ADGRV1: variants seen among roughly 807,000 people sequenced by gnomAD.
ADGRV1 encodes the protein adhesion G protein-coupled receptor V1, also known as G-protein coupled receptor 98.
A neutral mutation model predicts 596.2 loss-of-function variants in ADGRV1; 359 were observed. That is an observed-to-expected ratio of 0.60 (90% CI 0.55 to 0.66). ADGRV1 has a LOEUF of 0.66. ADGRV1 is among the 30% of genes least tolerant of loss of function. ADGRV1 has a pLI of 0.00. For missense variants in ADGRV1, 7,274 were observed against 7,575.6 expected, an observed-to-expected ratio of 0.96 and a Z score of 1.48; for synonymous variants, 2,681 against 2,679.2, an observed-to-expected ratio of 1.00 and a Z score of -0.02.
At position 90,647,653 on chromosome 5, in the gene ADGRV1, A is replaced by G. The variant is rs775734627; in HGVS notation, c.3178A>G (p.Thr1060Ala). Residue 1060 changes from threonine to alanine, a missense_variant, in exon 17 of 90, where the codon ACG becomes GCG. By Grantham distance (58) the Thr-to-Ala change is moderately conservative. This residue lies in a region of ADGRV1 where 1,715 missense variants were observed against 1,708.8 expected (regional missense o/e 1.00). Coordinates refer to ENST00000405460, the MANE Select transcript of ADGRV1 (RefSeq NM_032119.4). ...RDFIPVEKGETLIFEVGSRQQ... is the reference protein window; with the variant it reads ...RDFIPVEKGEALIFEVGSRQQ... ...TTTCATTCCTGTTGAAAAAGGAGAA[A>G]CGCTCATTTTTGAGGTTGGAAGTAG... The G allele has an allele frequency of 6.2e-7, 1 of 1,613,890 alleles. No homozygotes were observed.
chr5:90,791,008 G>A lies in ADGRV1; in HGVS notation c.14179G>A (p.Glu4727Lys), dbSNP rs1760007995. 11 of 1,613,940 alleles carry A rather than the reference G, an allele frequency of 6.8e-6. No individual in the cohort carries two copies. In the South Asian group the frequency reaches 1.2e-4, roughly 18 times the overall value. The change falls in exon 70 of 90, where the codon GAG (glutamate) becomes AAG (lysine). Residue 4727 changes from glutamate (E) to lysine (K), a missense_variant. Glu to Lys is a moderately conservative substitution (Grantham distance 56, BLOSUM62 1). Transcript: ENST00000405460. ...GCTACCAGATGAGGTACCTGAGATAGAGGAAGATTATGTGATCCAGCTTGT... is the reference window on the plus strand; with the variant it reads ...GCTACCAGATGAGGTACCTGAGATAAAGGAAGATTATGTGATCCAGCTTGT... Reference protein sequence around the residue: ...HLLPDEVPEIEEDYVIQLVSV... With the variant: ...HLLPDEVPEIKEDYVIQLVSV...
chr5:90,748,812 A>AG (rs1302993440), intron 52 of ADGRV1, among the ~76,000 whole-genome samples: 1 of 75,582 alleles, frequency 1.3e-5, no homozygotes, highest in Non-Finnish European at 2.4e-5. Context: ...TCTATCATCA[A>AG]GTTTTTTTTT....
At chr5:91,054,401 A>T (rs957811405) in intron 85 of ADGRV1, among the ~76,000 whole-genome samples, 2 of 152,180 alleles carry the variant, frequency 1.3e-5, no homozygotes, top group African/African-American at 2.4e-5. Context: ...TGAAGAGGAA[A>T]GTATGGGGCA....
At chr5:91,122,449 C>T (rs1793407261) in intron 87 of ADGRV1, among the ~76,000 whole-genome samples, 2 of 152,286 alleles carry the variant, frequency 1.3e-5, no homozygotes, top group African/African-American at 4.8e-5. Flanking sequence ...TAAAGAAAAG[C>T]AGAAAGTCCT....
chr5:90,785,144 A>T (rs1297121627), intron 67 of ADGRV1, among the ~76,000 whole-genome samples: 1 of 152,218 alleles, frequency 6.6e-6, no homozygotes, highest in Non-Finnish European at 1.5e-5. Context: ...GACAAAAACA[A>T]GCAATGGGGA....
chr5:91,100,986 T>C (rs1478319221), intron 86 of ADGRV1, among the ~76,000 whole-genome samples: 1 of 152,130 alleles, frequency 6.6e-6, no homozygotes, highest in Non-Finnish European at 1.5e-5. Flanking sequence ...ATTAAGAATC[T>C]ACGAAGACGT....
chr5:90,783,180 G>A lies in ADGRV1; in HGVS notation c.13288G>A (p.Gly4430Ser). 6.2e-7 allele frequency: 1 copy of A among 1,613,618 alleles called. No individual in the cohort carries two copies. The highest frequency in any genetic ancestry group is 1.1e-5 in the South Asian group (1 of 91,068). Residue 4430 changes from glycine (G) to serine (S), a missense_variant, in exon 66 of 90, where the codon GGC (glycine) becomes AGC (serine). By Grantham distance (56) the Gly-to-Ser change is moderately conservative. Around this residue, in one of 5 missense-constraint regions of ADGRV1, gnomAD observed 3,643 missense variants for 3,809.2 expected, o/e 0.96. Transcript: ENST00000405460. ...AGTGGTGAGGCTACATGGAACTTAT[G>A]GCTATGTGACAGCTGATTTCATCTC... ...IPVVRLHGTYGYVTADFISQS... is the reference protein window; with the variant it reads ...IPVVRLHGTYSYVTADFISQS...
At chr5:91,115,470 C>T (rs1792771130) in intron 87 of ADGRV1, among the ~76,000 whole-genome samples, 1 of 152,158 alleles carries the variant, frequency 6.6e-6, no homozygotes, top group South Asian at 2.1e-4. Context: ...GTGCATGCAA[C>T]ATCTTATGGT....
chr5:90,908,133 G>A (rs950529814), intron 83 of ADGRV1, among the ~76,000 whole-genome samples: 1 of 152,120 alleles, frequency 6.6e-6, no homozygotes, highest in Non-Finnish European at 1.5e-5. Context: ...TTAAAGGCGT[G>A]AGCCACCGTT....
intron 87 of ADGRV1, among the ~76,000 whole-genome samples, chr5:91,147,061 G>A (rs73191006): frequency 0.018 from 2,731 of 151,696 alleles, 59 homozygotes; most frequent in African/African-American, 0.053. Flanking sequence ...CAGCTACTGA[G>A]CAGGCTAAGG....
Position 91,116,122 on chromosome 5 carries a change from T to C in ADGRV1, c.18432+13782T>C, listed in dbSNP as rs1792831658. Among the ~76,000 whole-genome samples, 3 of 152,336 alleles carry C rather than the reference T, an allele frequency of 2.0e-5. 1 individual carries two copies. The South Asian group carries it at 6.2e-4, about 32-fold the overall frequency. On this transcript the variant is annotated intron_variant, in intron 87 of 89. Transcript: ENST00000405460. ...AATATAAAGAGCATGAATTCAAATA[T>C]AAACTGAACTTTCTTCTTAAACTCT...
intron 1 of ADGRV1, among the ~76,000 whole-genome samples, chr5:90,596,618 T>C (rs1302884933): frequency 6.6e-6 from 1 of 151,956 alleles, no homozygotes; most frequent in Non-Finnish European, 1.5e-5. Context: ...CGAAACCCCG[T>C]CTCCACCAAA....
At chr5:90,909,093 T>C (rs1246573633) in intron 83 of ADGRV1, among the ~76,000 whole-genome samples, 3 of 152,284 alleles carry the variant, frequency 2.0e-5, no homozygotes, top group Middle Eastern at 6.8e-3. Flanking sequence ...CTCTGGACAG[T>C]GTTCTTTGCC....
intron 52 of ADGRV1, among the ~76,000 whole-genome samples, chr5:90,747,053 A>T (rs1754703506): frequency 6.6e-6 from 1 of 152,140 alleles, no homozygotes; most frequent in African/African-American, 2.4e-5. Context: ...GCAGATGGAG[A>T]ATGCAAGGGA....
intron 84 of ADGRV1, among the ~76,000 whole-genome samples, chr5:90,968,342 G>A (rs1778657270): frequency 6.6e-6 from 1 of 152,154 alleles, no homozygotes; most frequent in African/African-American, 2.4e-5. Flanking sequence ...TGTTTTAGAT[G>A]GATTTTCTGC....
intron 78 of ADGRV1, 32 bp from the exon 79 acceptor site, chr5:90,848,605 G>A (rs1766152310): frequency 4.8e-6 from 6 of 1,244,616 alleles, no homozygotes; most frequent in Non-Finnish European, 5.3e-6. Context: ...TATTTTTATA[G>A]ATATATTTTT....
At chr5:90,771,788 G>A (rs1757718143) in intron 59 of ADGRV1, among the ~76,000 whole-genome samples, 3 of 152,148 alleles carry the variant, frequency 2.0e-5, no homozygotes. Context: ...GAAAGAAAGG[G>A]ATTCCAGGTT....
chr5:90,805,279 C>A lies in ADGRV1; in HGVS notation c.14662-5C>A. ...TAAAATACTCTAAGCATGATTTTCCCTCAGGTCGGATTTGAATCCACTGCT... is the reference window on the plus strand; with the variant it reads ...TAAAATACTCTAAGCATGATTTTCCATCAGGTCGGATTTGAATCCACTGCT... On this transcript the variant is annotated splice_polypyrimidine_tract_variant and splice_region_variant and intron_variant, in intron 71 of 89. Coordinates refer to ENST00000405460, the MANE Select transcript of ADGRV1 (RefSeq NM_032119.4). The A allele has an allele frequency of 6.2e-7, 1 of 1,606,252 alleles. No individual in the cohort carries two copies. Among genetic ancestry groups the A allele is most frequent in the Non-Finnish European group, 8.5e-7 (1 of 1,173,856 alleles).
At chr5:90,797,446 A>C (rs1198365123) in intron 70 of ADGRV1, among the ~76,000 whole-genome samples, 1 of 152,178 alleles carries the variant, frequency 6.6e-6, no homozygotes, top group Non-Finnish European at 1.5e-5. Flanking sequence ...ATATATATGC[A>C]CTCAATACAG....
Sources: allele counts gnomAD v4.1 joint callset (sites outside exome capture counted in the v4.1 genomes callset), GRCh38; gene constraint gnomAD v4.1.1; regional missense constraint gnomAD v4.1.1; transcripts MANE v1.5; gene names NCBI Gene and HGNC (gene_info 2026-07-23, HGNC 2026-07-21).